The following SMAP1 variants were observed in gnomAD, a reference collection of about 807,000 sequenced individuals.
SMAP1 encodes stromal membrane-associated protein 1.
Under a neutral mutation model 58.5 loss-of-function variants are expected in SMAP1, and 24 were observed. The ratio of observed to expected loss-of-function variants is 0.41; its 90% CI spans 0.30 to 0.58. SMAP1 has a LOEUF of 0.58. SMAP1 is among the 20% of genes least tolerant of loss of function. SMAP1 has a pLI of 0.29. For synonymous variants in SMAP1, 216 were observed against 196.6 expected (o/e 1.10, Z -0.82); for missense variants, 563 against 566.3 (o/e 0.99, Z 0.06).
chr6:70,787,059 G>T (rs1768076090), intron 4 of SMAP1, among the ~76,000 whole-genome samples: 1 of 152,074 alleles, frequency 6.6e-6, no homozygotes, highest in African/African-American at 2.4e-5. Context: ...ATACTACAAG[G>T]CTACAGTAAC....
At chr6:70,710,397 A>G (rs1284660188) in intron 1 of SMAP1, among the ~76,000 whole-genome samples, 1 of 148,732 alleles carries the variant, frequency 6.7e-6, no homozygotes, top group Non-Finnish European at 1.5e-5. Context: ...AGGCTGAGGC[A>G]GGAGAATCGC....
At chr6:70,813,184 G>C (rs993263009) in intron 6 of SMAP1, among the ~76,000 whole-genome samples, 2 of 151,906 alleles carry the variant, frequency 1.3e-5, no homozygotes, top group Non-Finnish European at 2.9e-5. Flanking sequence ...TACCTTTAAT[G>C]GTAATGTGTT....
intron 3 of SMAP1, among the ~76,000 whole-genome samples, chr6:70,769,626 T>C (rs1177497055): frequency 6.6e-6 from 1 of 152,228 alleles, no homozygotes; most frequent in African/African-American, 2.4e-5. Flanking sequence ...TCCATCCCTT[T>C]ATATTGAGCC....
At chr6:70,715,415 C>T (rs1383312591) in intron 1 of SMAP1, among the ~76,000 whole-genome samples, 1 of 152,126 alleles carries the variant, frequency 6.6e-6, no homozygotes, top group African/African-American at 2.4e-5. Flanking sequence ...TTGGATTAAT[C>T]CTATTTGGTA....
rs1770615207 is a variant in SMAP1, at chr6:70,836,978, G to A, written c.614G>A (p.Ser205Asn). 1 of 1,603,842 alleles carries A rather than the reference G, an allele frequency of 6.2e-7. No homozygotes were observed. The highest frequency in any genetic ancestry group is 1.1e-5 in the South Asian group (1 of 88,376). ...GATCAGCAACTGGAGCCTAAAAAAA[G>A]TACCAGCCCTAAAAAAGCTGCGGAG... ...KKDQQLEPKKSTSPKKAAEPT... is the reference protein window; with the variant it reads ...KKDQQLEPKKNTSPKKAAEPT... The change falls in exon 7 of 11, where the codon AGT becomes AAT. Residue 205 changes from serine to asparagine, a missense_variant. Transcript: ENST00000370455.
chr6:70,725,988 G>A (rs1046261027), intron 1 of SMAP1, among the ~76,000 whole-genome samples: 10 of 152,242 alleles, frequency 6.6e-5, no homozygotes, highest in African/African-American at 2.4e-4. Context: ...AGGGAATTTC[G>A]TTTGGAATGA....
chr6:70,845,695 TATC>T (rs1346743378), intron 7 of SMAP1, among the ~76,000 whole-genome samples: 10 of 152,170 alleles, frequency 6.6e-5, no homozygotes, highest in African/African-American at 2.4e-4. Flanking sequence ...ATCTGTATCT[TATC>T]ATAGGGCACA....
intron 6 of SMAP1, among the ~76,000 whole-genome samples, chr6:70,821,869 T>G (rs117062306): frequency 0.024 from 3,583 of 152,256 alleles, 52 homozygotes; most frequent in Non-Finnish European, 0.037. Flanking sequence ...AAAACCATAT[T>G]TTAGGTTCTA....
chr6:70,861,576 ACC>A lies in SMAP1; in HGVS notation c.*1243_*1244del. The A allele has an allele frequency of 8.2e-7, 1 of 1,219,810 alleles. No homozygotes were observed. Among genetic ancestry groups the A allele is most frequent in the Non-Finnish European group, 1.2e-6 (1 of 846,306 alleles). The allele number at this position is 1,219,810 out of a possible 1,614,324, so 75.6% of individuals were successfully genotyped here. A position where few individuals can be genotyped will look rare whatever the true frequency, so the allele number is the denominator to read the frequency against. On this transcript the variant is annotated 3_prime_UTR_variant, in exon 11 of 11. Transcript: ENST00000370455. ...GCTGTACTGAAGTAAAACAAACAAT[ACC>A]TGAATGCTCTGTAGCCTAAACTCCA...
chr6:70,804,393 G>T (rs1230071977), intron 6 of SMAP1, among the ~76,000 whole-genome samples: 2 of 151,762 alleles, frequency 1.3e-5, no homozygotes, highest in South Asian at 2.1e-4. Context: ...TGTCTCTGCA[G>T]GTGAGATGGG....
intron 6 of SMAP1, among the ~76,000 whole-genome samples, chr6:70,826,054 A>G (rs1770101876): frequency 6.6e-6 from 1 of 152,176 alleles, no homozygotes; most frequent in Non-Finnish European, 1.5e-5. Context: ...AAAATGTACT[A>G]CTGCAACCAC....
At chr6:70,793,145 C>T (rs1768441607) in intron 5 of SMAP1, among the ~76,000 whole-genome samples, 1 of 152,124 alleles carries the variant, frequency 6.6e-6, no homozygotes, top group Non-Finnish European at 1.5e-5. Flanking sequence ...AGCGACTCTC[C>T]TGCCTCAGCC....
intron 10 of SMAP1, chr6:70,859,450 A>C (rs1771600613): frequency 7.5e-7 from 1 of 1,328,316 alleles, no homozygotes; most frequent in African/African-American, 1.5e-5. Flanking sequence ...TCAGACACTT[A>C]TGCCTGATTA....
intron 7 of SMAP1, among the ~76,000 whole-genome samples, chr6:70,847,129 GATT>G (rs1390868550): frequency 6.6e-6 from 1 of 152,122 alleles, no homozygotes; most frequent in African/African-American, 2.4e-5. Context: ...TACTCATTTG[GATT>G]ATTGGCGTCA....
intron 1 of SMAP1, among the ~76,000 whole-genome samples, chr6:70,678,969 C>T (rs1310492926): frequency 1.3e-5 from 2 of 151,912 alleles, no homozygotes; most frequent in Non-Finnish European, 2.9e-5. Context: ...CATTATTCTG[C>T]CTAACAAAGT....
chr6:70,778,364 T>C (rs552325515), intron 4 of SMAP1, among the ~76,000 whole-genome samples: 1 of 152,374 alleles, frequency 6.6e-6, no homozygotes, highest in African/African-American at 2.4e-5. Context: ...ATGACCTTTA[T>C]TATGTTGAGG....
chr6:70,832,039 A>G (rs1770381636), intron 6 of SMAP1, among the ~76,000 whole-genome samples: 1 of 152,036 alleles, frequency 6.6e-6, no homozygotes, highest in Admixed American at 6.6e-5. Context: ...GCATTTTTTT[A>G]TACACTTGTT....
chr6:70,677,333 A>T (rs983052656), intron 1 of SMAP1, among the ~76,000 whole-genome samples: 3 of 149,330 alleles, frequency 2.0e-5, no homozygotes, highest in African/African-American at 7.4e-5. Flanking sequence ...TGACTTGCTT[A>T]GTGACCAGTT....
chr6:70,781,525 G>C (rs1368558087), intron 4 of SMAP1, among the ~76,000 whole-genome samples: 1 of 152,152 alleles, frequency 6.6e-6, no homozygotes, highest in Non-Finnish European at 1.5e-5. Context: ...TTTGAGAATT[G>C]CTGTGATAAA....
Sources: gnomAD v4.1 joint callset for allele counts (sites outside exome capture counted in the v4.1 genomes callset) on GRCh38, gnomAD v4.1.1 for gene constraint, MANE v1.5 for transcripts, NCBI Gene and HGNC (gene_info 2026-07-23, HGNC 2026-07-21) for gene names.